The following HAO1 variants were observed in gnomAD, a reference collection of about 807,000 sequenced individuals.
HAO1 encodes the protein 2-Hydroxyacid oxidase 1.
A neutral mutation model predicts 39.7 loss-of-function variants in HAO1; 34 were observed. The observed-to-expected ratio is 0.86, with a 90% CI of 0.65 to 1.14. HAO1 has a LOEUF of 1.14. Ranked by LOEUF, HAO1 falls within the 50% of genes most tolerant of loss-of-function variation. The pLI is 0.00. For missense variants in HAO1, 479 were observed against 464.5 expected (o/e 1.03, Z -0.29); for synonymous variants, 172 against 173.2 (o/e 0.99, Z 0.05).
chr20:7,914,277 C>T lies in HAO1; in HGVS notation c.432G>A (p.Val144=), dbSNP rs752289854. Residue 144 remains valine (V), a synonymous_variant, in exon 3 of 8, where the codon GTG becomes GTA. Coordinates refer to ENST00000378789, the MANE Select transcript of HAO1 (RefSeq NM_017545.3). ...YKDREVTKKL[V]RQAEKMGYKA... is the part of the protein sequence containing the mutation. ...TGTAGCCCATCTTCTCTGCCTGCCG[C>T]ACTAGCTTCTTGGTGACTTCTCGGT... 1 of 1,614,046 alleles carries T rather than the reference C, an allele frequency of 6.2e-7. No homozygotes were observed. Among genetic ancestry groups the T allele is most frequent in the African/African-American group, 1.3e-5 (1 of 75,040 alleles).
At chr20:7,904,583 CATT>C (rs2050238751) in intron 4 of HAO1, among the ~76,000 whole-genome samples, 1 of 152,132 alleles carries the variant, frequency 6.6e-6, no homozygotes, top group African/African-American at 2.4e-5. Context: ...CCCACTCTTA[CATT>C]ATTGCCCATA....
rs766638715 is a variant in HAO1, at chr20:7,885,527, G to C, written c.1036C>G (p.Leu346Val). 1 of 1,604,090 alleles carries C rather than the reference G, an allele frequency of 6.2e-7. No homozygotes were observed. The highest frequency in any genetic ancestry group is 1.7e-5 in the Admixed American group (1 of 59,962). ...LKEEFRLAMA[L>V]SGCQNVKVID... ...AAACAAGAATGAGTCTTACCACTCA[G>C]AGCCATGGCCAACCGGAATTCTTCC... is the stretch of plus-strand genomic sequence containing the variant. The change falls in exon 7 of 8, where the codon CTG becomes GTG. Residue 346 changes from leucine to valine, a missense_variant. Transcript: ENST00000378789.
At chr20:7,923,454 C>T (rs2050343960) in intron 2 of HAO1, among the ~76,000 whole-genome samples, 1 of 152,170 alleles carries the variant, frequency 6.6e-6, no homozygotes, top group Non-Finnish European at 1.5e-5. Flanking sequence ...CATACTAAGC[C>T]TGCCTGTCCC....
intron 2 of HAO1, 26 bp from the exon 3 acceptor site, chr20:7,914,445 A>T (rs771605805): frequency 1.9e-6 from 3 of 1,609,030 alleles, no homozygotes; most frequent in Non-Finnish European, 2.5e-6. Context: ...GATGATCAAG[A>T]TGGGCCTGGC....
chr20:7,913,537 G>A (rs950617797), intron 3 of HAO1, among the ~76,000 whole-genome samples: 10 of 152,156 alleles, frequency 6.6e-5, no homozygotes, highest in African/African-American at 1.2e-4. Context: ...AATACAACCA[G>A]GAAAGAGATA....
chr20:7,915,650 G>C lies in HAO1; in HGVS notation c.290-1231C>G, dbSNP rs192835594. On this transcript the variant is annotated intron_variant, in intron 2 of 7. Coordinates refer to ENST00000378789, the MANE Select transcript of HAO1 (RefSeq NM_017545.3). Reference sequence around the variant, plus strand: ...ATCTGTATCTATCGAGAGAGAAAAAGATGAGAAATCTCCAAGGGGGAGATC... The same window carrying C: ...ATCTGTATCTATCGAGAGAGAAAAACATGAGAAATCTCCAAGGGGGAGATC... Among the ~76,000 whole-genome samples the C allele has an allele frequency of 1.5e-4, 23 of 152,286 alleles. 1 individual carries two copies. The East Asian group carries it at 4.2e-3, about 28-fold the overall frequency.
intron 2 of HAO1, among the ~76,000 whole-genome samples, chr20:7,932,413 T>C (rs777673418): frequency 5.7e-4 from 86 of 152,204 alleles, no homozygotes; most frequent in Non-Finnish European, 1.0e-3. Context: ...ATTCTCTTCA[T>C]GGTCCCTTGT....
At position 7,885,569 on chromosome 20, in the gene HAO1, C is replaced by G. The variant is rs1373178593; in HGVS notation, c.994G>C (p.Val332Leu). 6.2e-7 allele frequency: 1 copy of G among 1,611,334 alleles called. No individual in the cohort carries two copies. Among genetic ancestry groups the G allele is most frequent in the Admixed American group, 1.7e-5 (1 of 59,990 alleles). The change falls in exon 7 of 8, where the codon GTC becomes CTC. Residue 332 changes from valine (V) to leucine (L), a missense_variant. By Grantham distance (32) the Val-to-Leu change is conservative (BLOSUM62 1). Coordinates refer to ENST00000378789, the MANE Select transcript of HAO1 (RefSeq NM_017545.3). ...AFQGEKGVQD[V>L]LEILKEEFRL... is the part of the protein sequence containing the mutation. ...AATTCTTCCTTTAGTATCTCGAGGA[C>G]ATCTTGAACACCTTTCTCCCCCTAA...
intron 4 of HAO1, among the ~76,000 whole-genome samples, chr20:7,904,102 T>A (rs1305904774): frequency 6.6e-6 from 1 of 152,194 alleles, no homozygotes; most frequent in East Asian, 1.9e-4. Flanking sequence ...GTTCCTTATT[T>A]GAAACAATTA....
At chr20:7,935,665 A>G (rs1568521922) in intron 1 of HAO1, among the ~76,000 whole-genome samples, 1 of 152,218 alleles carries the variant, frequency 6.6e-6, no homozygotes, top group Non-Finnish European at 1.5e-5. Flanking sequence ...ATTTTAAATG[A>G]ATGTTTCTGT....
intron 1 of HAO1, among the ~76,000 whole-genome samples, chr20:7,934,975 T>C (rs567189217): frequency 6.6e-6 from 1 of 152,058 alleles, no homozygotes; most frequent in Admixed American, 6.5e-5. Flanking sequence ...GTTCAATCAT[T>C]CCCAAAAAAG....
chr20:7,906,980 C>T (rs527907033), intron 3 of HAO1, among the ~76,000 whole-genome samples: 48 of 152,310 alleles, frequency 3.2e-4, no homozygotes, highest in African/African-American at 1.1e-3. Context: ...CCTTCCAATG[C>T]CCTTGTAGAA....
At chr20:7,888,645 C>A (rs984641931) in intron 5 of HAO1, among the ~76,000 whole-genome samples, 1 of 152,174 alleles carries the variant, frequency 6.6e-6, no homozygotes, top group African/African-American at 2.4e-5. Flanking sequence ...TAGAAAATCA[C>A]TGGTTCATAT....
At chr20:7,921,057 T>C (rs2050329091) in intron 2 of HAO1, among the ~76,000 whole-genome samples, 1 of 131,030 alleles carries the variant, frequency 7.6e-6, no homozygotes, top group East Asian at 2.8e-4. Flanking sequence ...AGTGCTAATA[T>C]CCAAAAAAAA....
intron 5 of HAO1, among the ~76,000 whole-genome samples, chr20:7,894,688 T>C (rs1454663797): frequency 2.0e-5 from 3 of 152,144 alleles, no homozygotes; most frequent in African/African-American, 7.2e-5. Context: ...CACAGGAAAT[T>C]CTGATTATGT....
At position 7,926,436 on chromosome 20, in the gene HAO1, T is replaced by G. The variant is rs575661445; in HGVS notation, c.289+8048A>C. On this transcript the variant is annotated intron_variant, in intron 2 of 7. Transcript: ENST00000378789. ...GGGGATATTTTCCTAGTAGGTATGCTGAAACATATATCTAGTCGGTCGCCT... is the reference window on the plus strand; with the variant it reads ...GGGGATATTTTCCTAGTAGGTATGCGGAAACATATATCTAGTCGGTCGCCT... Among the ~76,000 whole-genome samples, 4 of 152,298 alleles carry G rather than the reference T, an allele frequency of 2.6e-5. No homozygotes were observed. The East Asian group carries it at 7.7e-4, about 29-fold the overall frequency.
intron 2 of HAO1, among the ~76,000 whole-genome samples, chr20:7,928,039 G>A (rs1412671046): frequency 1.3e-5 from 2 of 152,178 alleles, no homozygotes; most frequent in East Asian, 3.8e-4. Context: ...CTGTATAAAT[G>A]CTGGTGATCA....
At position 7,936,632 on chromosome 20, in the gene HAO1, A is replaced by G. The variant is rs557578976; in HGVS notation, c.138-1997T>C. On this transcript the variant is annotated intron_variant, in intron 1 of 7. Transcript: ENST00000378789. ...TTATAAAGCAAAGCTGAATCCTTCCATCTCCAGACAGTGGCTTTACACTTG... is the reference window on the plus strand; with the variant it reads ...TTATAAAGCAAAGCTGAATCCTTCCGTCTCCAGACAGTGGCTTTACACTTG... Among the ~76,000 whole-genome samples the G allele has an allele frequency of 9.2e-5, 14 of 151,582 alleles. No individual in the cohort carries two copies. In the East Asian group the frequency reaches 2.7e-3, roughly 30 times the overall value.
intron 4 of HAO1, among the ~76,000 whole-genome samples, chr20:7,899,953 TA>T (rs1600108766): frequency 6.6e-6 from 1 of 152,152 alleles, no homozygotes; most frequent in East Asian, 1.9e-4. Flanking sequence ...TTTATTTCCA[TA>T]TTTAATTTAA....
Sources: gnomAD v4.1 joint callset for allele counts (sites outside exome capture counted in the v4.1 genomes callset) on GRCh38, gnomAD v4.1.1 for gene constraint, MANE v1.5 for transcripts, NCBI Gene and HGNC (gene_info 2026-07-23, HGNC 2026-07-21) for gene names.